PSTK: variants seen among roughly 807,000 people sequenced by gnomAD.
PSTK encodes the protein L-seryl-tRNA(Sec) kinase.
In PSTK, 26 loss-of-function variants were observed where a neutral mutation model predicts 38.6. That is an observed-to-expected ratio of 0.67 (90% confidence interval 0.49 to 0.94). The LOEUF (loss-of-function observed/expected upper bound fraction) is 0.94. Ranked by LOEUF, PSTK falls within the 40% of genes least tolerant of loss-of-function variation. The probability of loss-of-function intolerance (pLI) is 0.00; values close to 1 mark genes in which losing one functional copy is unlikely to be tolerated. For synonymous variants in PSTK, 181 were observed against 161.7 expected (o/e 1.12, Z -0.91); for missense variants, 445 against 436.3 (o/e 1.02, Z -0.18).
At chr10:122,981,756 A>G (rs930759115) in intron 1 of PSTK, among the ~76,000 whole-genome samples, 9 of 152,234 alleles carry the variant, frequency 5.9e-5, no homozygotes, top group Non-Finnish European at 1.2e-4. Flanking sequence ...AGTATTTTCA[A>G]CACTTCGGAG....
chr10:122,986,155 A>G, intron 3 of PSTK, 145 bp from the exon 4 acceptor site: 1 of 437,112 alleles, frequency 2.3e-6, no homozygotes, highest in Non-Finnish European at 4.0e-6. Context: ...CGGGAAGCAG[A>G]GCTTGCAGTG....
chr10:122,987,733 T>G (rs906775964), intron 5 of PSTK, among the ~76,000 whole-genome samples: 11 of 152,240 alleles, frequency 7.2e-5, no homozygotes, highest in African/African-American at 2.7e-4. Context: ...CGTTAAGCGC[T>G]TTACAAATAC....
At chr10:122,982,531 C>T in intron 1 of PSTK, 1 of 575,912 alleles carries the variant, frequency 1.7e-6, no homozygotes, top group Admixed American at 3.1e-5. Flanking sequence ...TCTGAGAAAG[C>T]TTTACACAGC....
At chr10:122,981,765 A>G (rs180975568) in intron 1 of PSTK, among the ~76,000 whole-genome samples, 7 of 152,326 alleles carry the variant, frequency 4.6e-5, no homozygotes, top group African/African-American at 1.2e-4. Flanking sequence ...AACACTTCGG[A>G]GAAAGCTGAA....
At chr10:122,990,026 A>G in intron 5 of PSTK, 148 bp from the exon 6 acceptor site, 1 of 508,878 alleles carries the variant, frequency 2.0e-6, no homozygotes, top group East Asian at 3.5e-5. Flanking sequence ...TCACATTGAG[A>G]CCTTTTTTCT....
intron 5 of PSTK, among the ~76,000 whole-genome samples, 187 bp downstream of exon 5, chr10:122,987,149 A>G (rs558671597): frequency 6.6e-6 from 1 of 152,348 alleles, no homozygotes; most frequent in African/African-American, 2.4e-5. Flanking sequence ...CATCCATCCA[A>G]CAAATTTTTA....
Position 122,986,855 on chromosome 10 carries a change from C to G in PSTK, c.784-14C>G, listed in dbSNP as rs554752624. ...ACTATGTGACTTCTAATAACAATGT[C>G]TGTATTAACATAGGACACAGACAGA... On this transcript the variant is annotated splice_polypyrimidine_tract_variant and intron_variant, in intron 4 of 5. Coordinates refer to ENST00000406217, the MANE Select transcript of PSTK (RefSeq NM_001363531.2). 4 of 1,483,730 alleles carry G rather than the reference C, an allele frequency of 2.7e-6. No individual in the cohort carries two copies. The highest frequency in any genetic ancestry group is 3.8e-6 in the Non-Finnish European group (4 of 1,065,628). The allele number at this position is 1,483,730 out of a possible 1,614,324, so 91.9% of individuals were successfully genotyped here. A position where few individuals can be genotyped will look rare whatever the true frequency, so the allele number is the denominator to read the frequency against.
At chr10:122,985,482 A>G (rs988027829) in intron 3 of PSTK, 1 of 152,248 alleles carries the variant, frequency 6.6e-6, no homozygotes, top group Non-Finnish European at 1.5e-5. Flanking sequence ...CCAGCTCAGC[A>G]TGTGGTTGTA....
At chr10:122,990,112 C>A in intron 5 of PSTK, 62 bp from the exon 6 acceptor site, 1 of 1,102,280 alleles carries the variant, frequency 9.1e-7, no homozygotes, top group Non-Finnish European at 1.3e-6. Context: ...TTCCTAATGT[C>A]ATTAGACACC....
At position 122,990,234 on chromosome 10, in the gene PSTK, CAG is replaced by C. The variant is rs756167884; in HGVS notation, c.941_942del (p.Glu314ValfsTer20). 3.0e-5 allele frequency: 47 copies of C among 1,541,474 alleles called. No individual in the cohort carries two copies. Among genetic ancestry groups the C allele is most frequent in the East Asian group, 2.5e-4 (10 of 40,618 alleles). ...GCAGAAGAACTTAACAAGCTCAAAG[CAG>C]AGTTTTTGGAAGACCTAAAACAAGG... On this transcript the variant is annotated frameshift_variant, in exon 6 of 6. Coordinates refer to ENST00000406217, the MANE Select transcript of PSTK (RefSeq NM_001363531.2). LOFTEE classifies it high-confidence loss of function.
chr10:122,982,789 G>C lies in PSTK; in HGVS notation c.273G>C (p.Leu91Phe), dbSNP rs757281793. The C allele has an allele frequency of 2.5e-6, 4 of 1,614,180 alleles. No homozygotes were observed. In the South Asian group the frequency reaches 3.3e-5, roughly 13 times the overall value. Reference protein sequence around the residue: ...QELLKYLEYFLMAVINGCQMS... With the variant: ...QELLKYLEYFFMAVINGCQMS... Reference sequence around the variant, plus strand: ...TGTTGAAGTACCTGGAATACTTCTTGATGGCTGTCATTAATGGGTGTCAGA... The same window carrying C: ...TGTTGAAGTACCTGGAATACTTCTTCATGGCTGTCATTAATGGGTGTCAGA... The change falls in exon 2 of 6, where the codon TTG becomes TTC. Residue 91 changes from leucine (L) to phenylalanine (F), a missense_variant. Transcript: ENST00000406217.
chr10:122,983,067 C>T (rs1445298390), intron 2 of PSTK, 43 bp downstream of exon 2: 8 of 1,519,222 alleles, frequency 5.3e-6, no homozygotes, highest in Admixed American at 1.9e-5. Context: ...GATACTTATT[C>T]ACGTATCAAA....
intron 3 of PSTK, 71 bp from the exon 4 acceptor site, chr10:122,986,226 CTCA>C: frequency 1.2e-6 from 1 of 857,174 alleles, no homozygotes; most frequent in Non-Finnish European, 1.7e-6. Context: ...AGGACTCCAT[CTCA>C]AAAAAAAAAA....
At position 122,989,192 on chromosome 10, in the gene PSTK, T is replaced by C. The variant is rs1020584984; in HGVS notation, c.878-982T>C. Among the ~76,000 whole-genome samples, 9 of 16,008 alleles carry C rather than the reference T, an allele frequency of 5.6e-4. No individual in the cohort carries two copies. The Admixed American group carries it at 6.0e-3, about 11-fold the overall frequency. The allele number at this position is 16,008 out of a possible 152,430, so 10.5% of individuals were successfully genotyped here. On this transcript the variant is annotated intron_variant, in intron 5 of 5. Coordinates refer to ENST00000406217, the MANE Select transcript of PSTK (RefSeq NM_001363531.2). ...TTGCTTAGAGATGGGGGGCGGGGGGTGGGCGGGGTGGGCAGAAGGGAAGGT... is the reference window on the plus strand; with the variant it reads ...TTGCTTAGAGATGGGGGGCGGGGGGCGGGCGGGGTGGGCAGAAGGGAAGGT...
intron 1 of PSTK, among the ~76,000 whole-genome samples, chr10:122,981,480 C>A (rs902882296): frequency 6.6e-6 from 1 of 152,160 alleles, no homozygotes; most frequent in Admixed American, 6.5e-5. Flanking sequence ...AGATTACATT[C>A]GTGTTTCTCA....
In PSTK at chr10:122,986,343, G is replaced by C; in HGVS notation, c.751G>C (p.Val251Leu). Reference protein sequence around the residue: ...DLLLTALENPVKYAEDNMEQK... With the variant: ...DLLLTALENPLKYAEDNMEQK... ...ATTGCTCACTGCTTTGGAAAATCCAGTAAAATATGCTGAGGACAATATGGA... is the reference window on the plus strand; with the variant it reads ...ATTGCTCACTGCTTTGGAAAATCCACTAAAATATGCTGAGGACAATATGGA... The change falls in exon 4 of 6, where the codon GTA becomes CTA. Residue 251 changes from valine (V) to leucine (L), a missense_variant. Val to Leu is a conservative substitution (Grantham distance 32). Transcript: ENST00000406217. 1 of 1,611,970 alleles carries C rather than the reference G, an allele frequency of 6.2e-7. No individual in the cohort carries two copies.
At chr10:122,981,058 CCCTTAGGAAGTTTCT>C (rs1848953844) in intron 1 of PSTK, among the ~76,000 whole-genome samples, 1 of 152,080 alleles carries the variant, frequency 6.6e-6, no homozygotes, top group Non-Finnish European at 1.5e-5. Context: ...TGTCGAAAAT[CCCTTAGGAAGTTTCT>C]CCTTAGGAGA....
At chr10:122,987,608 T>G (rs907383808) in intron 5 of PSTK, 6 of 1,453,746 alleles carry the variant, frequency 4.1e-6, no homozygotes, top group Non-Finnish European at 5.5e-6. Context: ...AGATGAAATA[T>G]GTGGTAACTA....
chr10:122,983,342 G>T lies in PSTK; in HGVS notation c.579G>T (p.Arg193Ser). The T allele has an allele frequency of 1.9e-6, 3 of 1,614,060 alleles. No individual in the cohort carries two copies. The highest frequency in any genetic ancestry group is 2.5e-6 in the Non-Finnish European group (3 of 1,179,970). The change falls in exon 3 of 6, where the codon AGG becomes AGT. Residue 193 changes from arginine to serine, a missense_variant. By Grantham distance (110) the Arg-to-Ser change is moderately radical (BLOSUM62 -1). Coordinates refer to ENST00000406217, the MANE Select transcript of PSTK (RefSeq NM_001363531.2). ...CCTGTTTACAGAGGAATGGCCAGAG[G>T]CCACAGGCACTGCCTCCTGAGACCA... ...LETCLQRNGQ[R>S]PQALPPETIH...
Sources: allele counts gnomAD v4.1 joint callset (sites outside exome capture counted in the v4.1 genomes callset), GRCh38; gene constraint gnomAD v4.1.1; transcripts MANE v1.5; gene names NCBI Gene and HGNC (gene_info 2026-07-23, HGNC 2026-07-21).